Variants in GRM8 observed in about 807,000 individuals in gnomAD.
GRM8 encodes the protein glutamate metabotropic receptor 8.
Under a neutral mutation model 87.2 loss-of-function variants are expected in GRM8, and 47 were observed. The observed-to-expected ratio is 0.54, with a 90% CI of 0.43 to 0.69. The LOEUF (loss-of-function observed/expected upper bound fraction) is 0.69, where lower values mean the gene tolerates loss of function less well. Among genes scored for constraint, GRM8 ranks in the 30% least tolerant of loss-of-function variants. The pLI is 0.00. For missense variants in GRM8, 1,019 were observed against 1,139.2 expected (o/e 0.89, Z 1.52); for synonymous variants, 396 against 404.5 (o/e 0.98, Z 0.25).
chr7:126,615,891 T>C (rs2151121236), intron 7 of GRM8, among the ~76,000 whole-genome samples: 1 of 152,218 alleles, frequency 6.6e-6, no homozygotes, highest in Non-Finnish European at 1.5e-5. Flanking sequence ...CTTAGAGACC[T>C]ACAAAGAGAC....
chr7:126,960,570 G>A (rs1408829067), intron 3 of GRM8, among the ~76,000 whole-genome samples: 1 of 152,138 alleles, frequency 6.6e-6, no homozygotes, highest in Non-Finnish European at 1.5e-5. Flanking sequence ...ATCCTATCAG[G>A]GGAGAAGGAG....
At chr7:126,642,504 C>T (rs1447318629) in intron 7 of GRM8, among the ~76,000 whole-genome samples, 1 of 151,872 alleles carries the variant, frequency 6.6e-6, no homozygotes, top group Non-Finnish European at 1.5e-5. Flanking sequence ...GCCGGGAGTG[C>T]TGGCGGACGC....
chr7:126,508,451 C>T (rs560279309), intron 9 of GRM8, among the ~76,000 whole-genome samples: 2 of 151,988 alleles, frequency 1.3e-5, no homozygotes, highest in African/African-American at 4.8e-5. Flanking sequence ...GAGGATGGAA[C>T]CTCATGACCT....
intron 3 of GRM8, chr7:127,105,386 T>C (rs1306208105): frequency 6.6e-6 from 1 of 152,206 alleles, no homozygotes; most frequent in Non-Finnish European, 1.5e-5. Flanking sequence ...ATAGCACAAA[T>C]GTAGAACAAA....
chr7:126,609,515 A>G lies in GRM8; in HGVS notation c.1358-17T>C, dbSNP rs1210388251. ...CAGCACTGCCTATAAAGATTTAGAA[A>G]ACAATGTTAATAAAGTTTTAGTAAG... On this transcript the variant is annotated splice_polypyrimidine_tract_variant and intron_variant, in intron 7 of 10. Coordinates refer to ENST00000339582, the MANE Select transcript of GRM8 (RefSeq NM_000845.3). The G allele has an allele frequency of 1.3e-6, 2 of 1,599,228 alleles. No individual in the cohort carries two copies. The highest frequency in any genetic ancestry group is 2.7e-5 in the African/African-American group (2 of 74,278).
At chr7:126,715,360 A>G (rs1337082573) in intron 7 of GRM8, among the ~76,000 whole-genome samples, 1 of 152,136 alleles carries the variant, frequency 6.6e-6, no homozygotes, top group Non-Finnish European at 1.5e-5. Context: ...ATTACTGTTC[A>G]TTTCATGCAG....
chr7:127,162,415 C>T (rs1443497755), intron 2 of GRM8, among the ~76,000 whole-genome samples: 1 of 152,174 alleles, frequency 6.6e-6, no homozygotes, highest in Non-Finnish European at 1.5e-5. Context: ...TTTTCCCAGG[C>T]CAGAAGAGAA....
intron 3 of GRM8, among the ~76,000 whole-genome samples, chr7:126,907,615 A>G (rs191664739): frequency 3.4e-4 from 52 of 152,148 alleles, no homozygotes; most frequent in African/African-American, 1.2e-3. Flanking sequence ...GTGGCTCTGC[A>G]GGGCCTGTGG....
chr7:126,461,233 A>C (rs1803863360), intron 9 of GRM8, among the ~76,000 whole-genome samples: 1 of 151,524 alleles, frequency 6.6e-6, no homozygotes, highest in Admixed American at 6.6e-5. Flanking sequence ...CTGCTCCCAA[A>C]GTGATGCAGC....
At position 126,587,434 on chromosome 7, in the gene GRM8, C is replaced by T. The variant is rs558651455; in HGVS notation, c.1494+21928G>A. Among the ~76,000 whole-genome samples, 54 of 152,200 alleles carry T rather than the reference C, an allele frequency of 3.5e-4. 1 individual carries two copies. In the East Asian group the frequency reaches 9.7e-3, roughly 27 times the overall value. On this transcript the variant is annotated intron_variant, in intron 8 of 10. Coordinates refer to ENST00000339582, the MANE Select transcript of GRM8 (RefSeq NM_000845.3). ...AAAGACTTGGAACCAATCCAAATGTCCATCAATGATAGACTGGATTAAGAA... is the reference window on the plus strand; with the variant it reads ...AAAGACTTGGAACCAATCCAAATGTTCATCAATGATAGACTGGATTAAGAA...
intron 3 of GRM8, among the ~76,000 whole-genome samples, chr7:126,930,527 G>A (rs1805655355): frequency 6.6e-6 from 1 of 152,158 alleles, no homozygotes; most frequent in African/African-American, 2.4e-5. Context: ...CTCAGACAAG[G>A]TTCTAGACAA....
At chr7:127,121,710 T>G (rs545359162) in intron 2 of GRM8, among the ~76,000 whole-genome samples, 1 of 150,800 alleles carries the variant, frequency 6.6e-6, no homozygotes. Flanking sequence ...GGAGAGAGAG[T>G]GCACGCAAAG....
chr7:126,905,568 C>T (rs1328302542), intron 3 of GRM8, among the ~76,000 whole-genome samples: 1 of 152,096 alleles, frequency 6.6e-6, no homozygotes, highest in Non-Finnish European at 1.5e-5. Flanking sequence ...CCATTTATAG[C>T]ATTGCTTCAG....
intron 7 of GRM8, among the ~76,000 whole-genome samples, chr7:126,664,632 T>C (rs937268350): frequency 2.0e-5 from 3 of 152,088 alleles, no homozygotes; most frequent in Non-Finnish European, 2.9e-5. Flanking sequence ...TGAAGATAGA[T>C]TAAAAAGTTA....
chr7:127,211,355 A>G (rs1223161789), intron 2 of GRM8, among the ~76,000 whole-genome samples: 1 of 152,174 alleles, frequency 6.6e-6, no homozygotes, highest in African/African-American at 2.4e-5. Flanking sequence ...AGCATGGGAG[A>G]AAGATGAAGG....
At chr7:127,167,124 G>A (rs1793501531) in intron 2 of GRM8, among the ~76,000 whole-genome samples, 1 of 152,068 alleles carries the variant, frequency 6.6e-6, no homozygotes, top group Non-Finnish European at 1.5e-5. Context: ...TGGAAAGTGG[G>A]GGCAATCTGC....
chr7:127,004,928 T>C (rs186044200), intron 3 of GRM8, among the ~76,000 whole-genome samples: 7 of 151,624 alleles, frequency 4.6e-5, no homozygotes, highest in South Asian at 2.1e-4. Flanking sequence ...GAGACAATTA[T>C]TGATTTGCCT....
chr7:126,773,914 C>G (rs1184138138), intron 6 of GRM8, among the ~76,000 whole-genome samples: 1 of 152,086 alleles, frequency 6.6e-6, no homozygotes, highest in Non-Finnish European at 1.5e-5. Context: ...ATTAAAGAAA[C>G]ATATTTAAAA....
intron 6 of GRM8, chr7:126,869,879 G>A (rs1798931532): frequency 7.8e-6 from 1 of 127,530 alleles, no homozygotes; most frequent in Non-Finnish European, 1.6e-5. Flanking sequence ...CTAACAAGAA[G>A]ATCAGCTTGT....
Sources: allele counts gnomAD v4.1 joint callset (sites outside exome capture counted in the v4.1 genomes callset), GRCh38; gene constraint gnomAD v4.1.1; transcripts MANE v1.5; gene names NCBI Gene and HGNC (gene_info 2026-07-23, HGNC 2026-07-21).